The following APOO variants were observed in gnomAD, a reference collection of about 807,000 sequenced individuals.
APOO encodes apolipoprotein O.
APOO carries 11 observed loss-of-function variants against 23.1 expected under a neutral mutation model. That is an observed-to-expected ratio of 0.48 (90% CI 0.30 to 0.79). The LOEUF (loss-of-function observed/expected upper bound fraction) is 0.79, where lower values mean the gene tolerates loss of function less well. APOO is among the 30% of genes least tolerant of loss of function. The pLI, the probability that APOO is intolerant of heterozygous loss-of-function variation, is 0.07. For missense variants in APOO, 160 were observed against 142.7 expected, an observed-to-expected ratio of 1.12 and a Z score of -0.62; for synonymous variants, 59 against 54.8, an observed-to-expected ratio of 1.08 and a Z score of -0.34.
chrX:23,865,324 C>G, intron 5 of APOO, among the ~76,000 whole-genome samples: 1 of 111,268 alleles, frequency 9.0e-6, no homozygotes, highest in Non-Finnish European at 1.9e-5. Flanking sequence ...CCCCACCAGG[C>G]CAGGCACAGT....
chrX:23,851,445 G>A (rs1000473660), intron 7 of APOO, among the ~76,000 whole-genome samples: 1 of 111,466 alleles, frequency 9.0e-6, no homozygotes, highest in Non-Finnish European at 1.9e-5. Flanking sequence ...CACCTGCCTC[G>A]GCCTCCCACA....
chrX:23,878,111 G>C (rs1293209232), intron 3 of APOO, among the ~76,000 whole-genome samples: 1 of 112,181 alleles, frequency 8.9e-6, no homozygotes, highest in Non-Finnish European at 1.9e-5. Context: ...CCCTATTTTA[G>C]TATAGCATTC....
chrX:23,882,160 T>C (rs1037077489), intron 1 of APOO, among the ~76,000 whole-genome samples: 3 of 111,178 alleles, frequency 2.7e-5, no homozygotes, highest in African/African-American at 6.5e-5. Flanking sequence ...CAAAACTGCA[T>C]TGAAATTAAG....
At chrX:23,860,734 T>C (rs1446283710) in intron 5 of APOO, among the ~76,000 whole-genome samples, 1 of 106,284 alleles carries the variant, frequency 9.4e-6, no homozygotes, top group Non-Finnish European at 1.9e-5. Context: ...GTTGCCCAGG[T>C]TGGTCTTGAA....
chrX:23,886,351 G>T (rs1926366216), intron 1 of APOO, among the ~76,000 whole-genome samples: 1 of 112,055 alleles, frequency 8.9e-6, no homozygotes, highest in South Asian at 3.7e-4. Flanking sequence ...AGTGGCACAA[G>T]TGAACTTTCT....
intron 1 of APOO, among the ~76,000 whole-genome samples, chrX:23,894,112 T>G (rs1021232868): frequency 1.8e-5 from 2 of 111,387 alleles, no homozygotes; most frequent in Non-Finnish European, 3.8e-5. Flanking sequence ...TTATATAAAT[T>G]TCATAAGTGA....
At chrX:23,877,749 G>A (rs1206469637) in intron 3 of APOO, among the ~76,000 whole-genome samples, 1 of 107,317 alleles carries the variant, frequency 9.3e-6, no homozygotes, top group Non-Finnish European at 1.9e-5. Context: ...ACTCCAGCCT[G>A]GGCGACAGAG....
chrX:23,856,547 A>G (rs190191298), intron 6 of APOO, among the ~76,000 whole-genome samples, 165 bp from the exon 7 acceptor site: 1 of 111,448 alleles, frequency 9.0e-6, no homozygotes, highest in Non-Finnish European at 1.9e-5. Flanking sequence ...ATGCCCATCA[A>G]TGGTAGATTT....
chrX:23,878,772 G>T, intron 3 of APOO, 143 bp downstream of exon 3: 3 of 680,161 alleles, frequency 4.4e-6, no homozygotes, highest in Non-Finnish European at 4.1e-6. Context: ...CTTTCCCCCA[G>T]ACCCCCACTA....
At chrX:23,898,728 A>G (rs1335435092) in intron 1 of APOO, among the ~76,000 whole-genome samples, 1 of 111,779 alleles carries the variant, frequency 8.9e-6, no homozygotes, top group Non-Finnish European at 1.9e-5. Context: ...AGTGAGGTAA[A>G]CCATCAACAG....
At chrX:23,886,863 T>C (rs906052238) in intron 1 of APOO, among the ~76,000 whole-genome samples, 3 of 111,589 alleles carry the variant, frequency 2.7e-5, no homozygotes, top group African/African-American at 9.8e-5. Flanking sequence ...AGGGCTCATA[T>C]TGAGTATTCA....
intron 1 of APOO, among the ~76,000 whole-genome samples, chrX:23,893,936 G>T (rs1410160266): frequency 9.0e-6 from 1 of 110,557 alleles, no homozygotes; most frequent in African/African-American, 3.3e-5. Context: ...TGGAAAGGGG[G>T]CTGGGGGGAG....
chrX:23,845,902 A>G (rs889679225), intron 7 of APOO, among the ~76,000 whole-genome samples: 2 of 112,257 alleles, frequency 1.8e-5, no homozygotes, highest in Middle Eastern at 4.6e-3. Flanking sequence ...GTTGGCCTTC[A>G]GCAGTCATTG....
chrX:23,856,008 C>T (rs969442368), intron 7 of APOO, among the ~76,000 whole-genome samples: 4 of 111,811 alleles, frequency 3.6e-5, no homozygotes, highest in Non-Finnish European at 7.5e-5. Context: ...TTAAATAATA[C>T]GCTACACTTA....
intron 1 of APOO, among the ~76,000 whole-genome samples, chrX:23,894,230 C>T (rs182962701): frequency 2.5e-4 from 27 of 108,433 alleles, no homozygotes; most frequent in Non-Finnish European, 3.6e-4. Context: ...CTGGAACCTC[C>T]GCCTCCCGGG....
Position 23,880,859 on chromosome X carries a change from C to T in APOO, c.103G>A (p.Val35Met), listed in dbSNP as rs149224639. 1.2e-4 allele frequency: 139 copies of T among 1,180,580 alleles called. No individual in the cohort carries two copies. The highest frequency in any genetic ancestry group is 1.4e-4 in the Non-Finnish European group (123 of 881,973). ...CAACATGTTACCTCATCAACCTTCA[C>T]GGAATTTTTGGGAGGTGAGTCCTTT... ...PKKDSPPKNS[V>M]KVDELSLYSV... is the part of the protein sequence containing the mutation. Residue 35 changes from valine (V) to methionine (M), a missense_variant, in exon 2 of 9, where the codon GTG (valine) becomes ATG (methionine). Coordinates refer to ENST00000379226, the MANE Select transcript of APOO (RefSeq NM_024122.5).
At chrX:23,875,006 T>G (rs1925776634) in intron 3 of APOO, among the ~76,000 whole-genome samples, 1 of 111,396 alleles carries the variant, frequency 9.0e-6, no homozygotes, top group Admixed American at 9.6e-5. Flanking sequence ...TCCCAGCACT[T>G]TGGGAGGCCG....
chrX:23,857,188 C>T (rs1161805893), intron 6 of APOO, among the ~76,000 whole-genome samples: 1 of 105,912 alleles, frequency 9.4e-6, no homozygotes, highest in Non-Finnish European at 1.9e-5. Context: ...ACCCTCATGA[C>T]ACACGATTTA....
chrX:23,873,670 T>A (rs918167263), intron 4 of APOO, among the ~76,000 whole-genome samples: 5 of 111,450 alleles, frequency 4.5e-5, no homozygotes, highest in Non-Finnish European at 9.4e-5. Flanking sequence ...ACGATAAATT[T>A]ATCTGACAGT....
Sources: allele counts gnomAD v4.1 joint callset (sites outside exome capture counted in the v4.1 genomes callset), GRCh38; gene constraint gnomAD v4.1.1; transcripts MANE v1.5; gene names NCBI Gene and HGNC (gene_info 2026-07-23, HGNC 2026-07-21).